The following CLN3 variants were observed in gnomAD, a reference collection of about 807,000 sequenced individuals.
The protein encoded by CLN3 is battenin.
In CLN3, 49 loss-of-function variants were observed where a neutral mutation model predicts 60.7. The observed-to-expected ratio is 0.81, with a 90% CI of 0.64 to 1.02. The LOEUF is 1.02. Ranked by LOEUF, CLN3 falls within the 50% of genes least tolerant of loss-of-function variation. The pLI is 0.00. For synonymous variants in CLN3, 256 were observed against 245.8 expected (o/e 1.04, Z -0.39); for missense variants, 516 against 557.4 (o/e 0.93, Z 0.75).
At position 28,484,011 on chromosome 16, in the gene CLN3, T is replaced by C. The variant is rs2046156557; in HGVS notation, c.785A>G (p.Lys262Arg). The C allele has an allele frequency of 6.2e-7, 1 of 1,606,828 alleles. No homozygotes were observed. Among genetic ancestry groups the C allele is most frequent in the East Asian group, 2.2e-5 (1 of 44,714 alleles). Residue 262 changes from lysine (K) to arginine (R), a missense_variant, in exon 10 of 16, where the codon AAG becomes AGG. By Grantham distance (26) the Lys-to-Arg change is conservative. Transcript: ENST00000636147. ...PLIRTEAPES[K>R]PGSSSSLSLR... ...TGAGGGTCTGTGTCTCCTACCTGGCTTCGACTCCGGGGCCTCGGTTCTTAT... is the reference window on the plus strand; with the variant it reads ...TGAGGGTCTGTGTCTCCTACCTGGCCTCGACTCCGGGGCCTCGGTTCTTAT...
downstream of CLN3, among the ~76,000 whole-genome samples, chr16:28,472,242 G>A (rs951033074): frequency 4.6e-5 from 7 of 151,938 alleles, no homozygotes; most frequent in South Asian, 2.1e-4. Flanking sequence ...GTGAGACACC[G>A]TCTCTACCAA....
chr16:28,473,821 A>G (rs1471883498), downstream of CLN3, among the ~76,000 whole-genome samples: 2 of 152,242 alleles, frequency 1.3e-5, no homozygotes, highest in African/African-American at 4.8e-5. Flanking sequence ...TCAAAGAACT[A>G]TATGTACGGT....
intron 3 of CLN3, among the ~76,000 whole-genome samples, chr16:28,490,759 CAAAAAAAA>C (rs772260404): frequency 1.8e-5 from 1 of 55,108 alleles, no homozygotes; most frequent in Non-Finnish European, 3.6e-5. Context: ...GACTCCGTCT[CAAAAAAAA>C]AAAAAAAAAA....
At chr16:28,491,908 G>C (rs960926531) in intron 1 of CLN3, 73 bp from the exon 2 acceptor site, 12 of 1,041,332 alleles carry the variant, frequency 1.2e-5, no homozygotes, top group Non-Finnish European at 1.7e-5. Flanking sequence ...CTCGCGCCCC[G>C]CGATCCATCA....
downstream of CLN3, chr16:28,475,692 G>A (rs2045986251): frequency 6.6e-6 from 1 of 152,146 alleles, no homozygotes; most frequent in Admixed American, 6.5e-5. Flanking sequence ...TTAAAGTAAA[G>A]TAGAAAATAC....
At chr16:28,468,550 TGCA>T in the CLN3 span, among the ~76,000 whole-genome samples, 1 of 140,916 alleles carries the variant, frequency 7.1e-6, no homozygotes, top group East Asian at 2.1e-4. Context: ...GGCTCACGCC[TGCA>T]ATCTCAGCAC....
intron 3 of CLN3, 59 bp downstream of exon 3, chr16:28,491,412 TTCCCCCTTTCC>T: frequency 6.4e-7 from 1 of 1,573,482 alleles, no homozygotes; most frequent in Non-Finnish European, 8.6e-7. Flanking sequence ...TAACTCTTTC[TTCCCCCTTTCC>T]TCCGGTCACT....
rs148514847 is a variant in CLN3, at chr16:28,477,771, G to A, written c.1163C>T (p.Ala388Val). 33 of 1,614,132 alleles carry A rather than the reference G, an allele frequency of 2.0e-5. No homozygotes were observed. The African/African-American group carries it at 4.1e-4, about 20-fold the overall frequency. The change falls in exon 15 of 16, where the codon GCC (alanine) becomes GTC (valine). Residue 388 changes from alanine (A) to valine (V), a missense_variant. Coordinates refer to ENST00000636147, the MANE Select transcript of CLN3 (RefSeq NM_001042432.2). ...GATGTTGTGGAAGGTGTTCACGTAGGCTGCGCCTCCCAGGAGCCCCTCATA... is the reference window on the plus strand; with the variant it reads ...GATGTTGTGGAAGGTGTTCACGTAGACTGCGCCTCCCAGGAGCCCCTCATA... Reference protein sequence around the residue: ...ILYEGLLGGAAYVNTFHNIAL... With the variant: ...ILYEGLLGGAVYVNTFHNIAL...
chr16:28,480,761 G>A (rs1234033106), intron 14 of CLN3, among the ~76,000 whole-genome samples: 1 of 152,144 alleles, frequency 6.6e-6, no homozygotes, highest in Non-Finnish European at 1.5e-5. Context: ...ACAGTTTATT[G>A]TAACAGTTAC....
At position 28,491,506 on chromosome 16, in the gene CLN3, T is replaced by A. The variant is rs759668300; in HGVS notation, c.101A>T (p.His34Leu). Residue 34 changes from histidine to leucine, a missense_variant, in exon 3 of 16, where the codon CAT (histidine) becomes CTT (leucine). Transcript: ENST00000636147. ...RLPLLDHQGA[H>L]WKNAVGFWLL... The stretch of plus-strand genomic sequence containing the variant: ...CCAGAAGCCCACCGCGTTCTTCCAA[T>A]GCGCGCCCTGATGGTCCAACAGAGG... The A allele has an allele frequency of 1.2e-6, 2 of 1,613,894 alleles. No homozygotes were observed. Among genetic ancestry groups the A allele is most frequent in the Non-Finnish European group, 1.7e-6 (2 of 1,180,028 alleles).
rs1201174347 is a variant in CLN3 at position 28,489,403 on chromosome 16, A to G, written c.126-17T>C. 6.4e-7 allele frequency: 1 copy of G among 1,573,492 alleles called. No homozygotes were observed. Among genetic ancestry groups the G allele is most frequent in the Non-Finnish European group, 8.7e-7 (1 of 1,148,806 alleles). ...CCCAGCAGCCTGGAAGGAGCAGGAC[A>G]GGTCTCAACTCCCTCCTCATCCTGC... On this transcript the variant is annotated splice_polypyrimidine_tract_variant and intron_variant, in intron 3 of 15. Transcript: ENST00000636147.
intron 14 of CLN3, among the ~76,000 whole-genome samples, chr16:28,480,064 G>A (rs1260670044): frequency 2.0e-5 from 3 of 151,742 alleles, no homozygotes; most frequent in Non-Finnish European, 1.5e-5. Flanking sequence ...GGGCTAAAGC[G>A]ATCCTCCTGC....
At chr16:28,485,685 A>T (rs901617647) in intron 9 of CLN3, among the ~76,000 whole-genome samples, 49 of 116,834 alleles carry the variant, frequency 4.2e-4, no homozygotes, top group Non-Finnish European at 5.0e-4. Context: ...AACACTGATT[A>T]AAAAAAAAAA....
At chr16:28,469,978 A>G (rs2045932411), downstream of CLN3, among the ~76,000 whole-genome samples, 1 of 148,932 alleles carries the variant, frequency 6.7e-6, no homozygotes, top group South Asian at 2.1e-4. Context: ...TCTAAAAAAA[A>G]AAAAAAAAAA....
intron 14 of CLN3, among the ~76,000 whole-genome samples, chr16:28,479,224 A>G (rs981087968): frequency 1.3e-5 from 2 of 152,200 alleles, no homozygotes; most frequent in African/African-American, 4.8e-5. Flanking sequence ...CAAATGCCCC[A>G]AGCGGGGCTT....
In CLN3 at chr16:28,492,034, G is replaced by T; in HGVS notation, c.-91C>A. ...GAGGCCTGTACCTTTAAGAGCAGCA[G>T]AATGTTCTGCACTATGCAGAGGCCG... is the stretch of plus-strand genomic sequence containing the variant. On this transcript the variant is annotated 5_prime_UTR_variant, in exon 1 of 16. The change creates a new upstream start codon in the 5' untranslated region. Transcript: ENST00000636147. 1 of 580,944 alleles carries T rather than the reference G, an allele frequency of 1.7e-6. No homozygotes were observed. Among genetic ancestry groups the T allele is most frequent in the Admixed American group, 3.0e-5 (1 of 33,436 alleles). 36.0% of individuals were successfully genotyped at this position (580,944 alleles called of 1,614,324 possible). A position where few individuals can be genotyped will look rare whatever the true frequency, so the allele number is the denominator to read the frequency against.
chr16:28,491,851 A>G lies in CLN3; in HGVS notation c.-76-16T>C. ...GGATGAGGGTCTGCGACAGGTGACAAGGATCAACGCCCGATTGCCGGTCCC... is the reference window on the plus strand; with the variant it reads ...GGATGAGGGTCTGCGACAGGTGACAGGGATCAACGCCCGATTGCCGGTCCC... On this transcript the variant is annotated splice_polypyrimidine_tract_variant and intron_variant, in intron 1 of 15. Coordinates refer to ENST00000636147, the MANE Select transcript of CLN3 (RefSeq NM_001042432.2). 6.7e-7 allele frequency: 1 copy of G among 1,494,464 alleles called. No individual in the cohort carries two copies. The highest frequency in any genetic ancestry group is 9.1e-7 in the Non-Finnish European group (1 of 1,094,042). 92.6% of individuals were successfully genotyped at this position (1,494,464 alleles called of 1,614,324 possible).
chr16:28,482,592 C>A, intron 11 of CLN3, 34 bp downstream of exon 11: 2 of 1,614,122 alleles, frequency 1.2e-6, no homozygotes, highest in Non-Finnish European at 1.7e-6. Flanking sequence ...GGTGAGCAAG[C>A]CCCACAGGGA....
At chr16:28,472,101 C>T (rs1194094093), downstream of CLN3, among the ~76,000 whole-genome samples, 3 of 152,188 alleles carry the variant, frequency 2.0e-5, no homozygotes, top group Non-Finnish European at 4.4e-5. Context: ...GTAATTAAGA[C>T]AGTGTTGTAT....
Sources: gnomAD v4.1 joint callset for allele counts (sites outside exome capture counted in the v4.1 genomes callset) on GRCh38, gnomAD v4.1.1 for gene constraint, MANE v1.5 for transcripts, NCBI Gene and HGNC (gene_info 2026-07-23, HGNC 2026-07-21) for gene names.